Variants in SLC35E4 observed in about 807,000 individuals in gnomAD.
The protein encoded by SLC35E4 is solute carrier family 35 member E4, also known as solute carrier family 35, member E4.
SLC35E4 carries 15 observed loss-of-function variants against 19.3 expected under a neutral mutation model. The observed-to-expected ratio is 0.78, with a 90% CI of 0.52 to 1.20. SLC35E4 has a LOEUF of 1.20. Among genes scored for constraint, SLC35E4 ranks in the 50% most tolerant of loss-of-function variants. SLC35E4 has a pLI of 0.00. For synonymous variants in SLC35E4, 219 were observed against 219.9 expected, an observed-to-expected ratio of 1.00 and a Z score of 0.04; for missense variants, 406 against 472.3, an observed-to-expected ratio of 0.86 and a Z score of 1.30.
chr22:30,643,574 G>T (rs1002569238), intron 1 of SLC35E4, among the ~76,000 whole-genome samples: 2 of 152,148 alleles, frequency 1.3e-5, no homozygotes, highest in Admixed American at 6.5e-5. Context: ...CAGCCAGCAG[G>T]AGCAGGGTGT....
downstream of SLC35E4, among the ~76,000 whole-genome samples, chr22:30,664,456 A>G (rs574673290): frequency 1.3e-5 from 2 of 152,200 alleles, no homozygotes; most frequent in Admixed American, 6.5e-5. Flanking sequence ...TCTCCATTTA[A>G]GCTCACAGAG....
In SLC35E4 at chr22:30,636,934, C is replaced by A; in HGVS notation, c.484C>A (p.Leu162Ile). Residue 162 changes from leucine (L) to isoleucine (I), a missense_variant, in exon 1 of 2, where the codon CTT becomes ATT. By Grantham distance (5) the Leu-to-Ile change is conservative. Transcript: ENST00000343605. ...GCTGCTGGGCCGCCGCCACCACCCA[C>A]TTCAGTTGGCCGCCATGGGTCCGCT... ...ALLLGRRHHPLQLAAMGPLCL... is the reference protein window; with the variant it reads ...ALLLGRRHHPIQLAAMGPLCL... The A allele has an allele frequency of 1.2e-6, 2 of 1,612,134 alleles. No homozygotes were observed. The highest frequency in any genetic ancestry group is 1.7e-6 in the Non-Finnish European group (2 of 1,179,306).
rs769736140 is a variant in SLC35E4, at chr22:30,646,501, G to C, written c.620-97G>C. On this transcript the variant is annotated intron_variant, in intron 1 of 1. Transcript: ENST00000343605. ...GCCACTAGCCCTGCCCGAGGGGTCCGGGTAGGCTTCTTGGAGGATCGGCCA... is the reference window on the plus strand; with the variant it reads ...GCCACTAGCCCTGCCCGAGGGGTCCCGGTAGGCTTCTTGGAGGATCGGCCA... 50 of 1,409,716 alleles carry C rather than the reference G, an allele frequency of 3.5e-5. No homozygotes were observed. In the Admixed American group the frequency reaches 9.3e-4, roughly 26 times the overall value. The allele number at this position is 1,409,716 out of a possible 1,614,324, so 87.3% of individuals were successfully genotyped here.
intron 2 of SLC35E4, among the ~76,000 whole-genome samples, chr22:30,653,291 A>C (rs2145590079): frequency 6.6e-6 from 1 of 151,358 alleles, no homozygotes; most frequent in Non-Finnish European, 1.5e-5. Context: ...CCTGTTCTCT[A>C]TGCCTGCTGA....
At chr22:30,639,759 C>T (rs1429582706) in intron 1 of SLC35E4, among the ~76,000 whole-genome samples, 2 of 152,202 alleles carry the variant, frequency 1.3e-5, no homozygotes, top group Non-Finnish European at 2.9e-5. Context: ...CTCTCTTGTT[C>T]CCTGAACATT....
chr22:30,649,244 G>A (rs1291118936), downstream of SLC35E4: 2 of 717,182 alleles, frequency 2.8e-6, no homozygotes, highest in African/African-American at 3.5e-5. Flanking sequence ...GGCCAGGAGT[G>A]AGGAAGGAGG....
chr22:30,652,592 A>G (rs2088244324), downstream of SLC35E4, among the ~76,000 whole-genome samples: 1 of 152,242 alleles, frequency 6.6e-6, no homozygotes, highest in African/African-American at 2.4e-5. Context: ...CAATTAAGTT[A>G]GATCTCTTCC....
At chr22:30,664,017 C>A, downstream of SLC35E4, 1 of 1,602,910 alleles carries the variant, frequency 6.2e-7, no homozygotes, top group South Asian at 1.1e-5. Flanking sequence ...GGCGGTGGGT[C>A]AGTGGTCAGC....
At chr22:30,659,367 A>C (rs550504326) in intron 2 of SLC35E4, among the ~76,000 whole-genome samples, 2 of 151,422 alleles carry the variant, frequency 1.3e-5, no homozygotes, top group African/African-American at 2.4e-5. Context: ...TCAGAAAAAG[A>C]CTCTTTTTTT....
At position 30,646,965 on chromosome 22, in the gene SLC35E4, G is replaced by A. The variant is rs750445077; in HGVS notation, c.987G>A (p.Glu329=). The stretch of plus-strand genomic sequence containing the variant: ...GAATGTTCCTTTACCACAACTGCGA[G>A]TTCGTGGCCTCCTGGGCTGCCCGTC... ...LSGMFLYHNC[E]FVASWAARRG... Residue 329 remains glutamate, a synonymous_variant, in exon 2 of 2, where the codon GAG becomes GAA. Coordinates refer to ENST00000343605, the MANE Select transcript of SLC35E4 (RefSeq NM_001001479.4). 1.2e-6 allele frequency: 2 copies of A among 1,613,968 alleles called. No homozygotes were observed. The highest frequency in any genetic ancestry group is 1.7e-6 in the Non-Finnish European group (2 of 1,180,018).
chr22:30,661,012 G>A (rs568871748), intron 2 of SLC35E4, among the ~76,000 whole-genome samples: 12 of 152,136 alleles, frequency 7.9e-5, no homozygotes, highest in South Asian at 2.1e-4. Flanking sequence ...CCCTGCTTTC[G>A]TATTTTTAGC....
rs1555900647 is a variant in SLC35E4 at position 30,660,311 on chromosome 22, A to AAT, written c.*9-1749_*9-1748insAT. 1.6e-4 allele frequency among the ~76,000 whole-genome samples: 24 copies of AAT among 151,132 alleles called. 4 individuals carry two copies. Among genetic ancestry groups the AAT allele is most frequent in the Admixed American group, 1.5e-3 (22 of 15,172 alleles). ...CAAAATGAGCAGCAGAGAGAAAAAA[A>AAT]TTTTTTTTTTGAAACACAGTCTCAC... On this transcript the variant is annotated intron_variant, in intron 2 of 2. Transcript: ENST00000406566.
intron 2 of SLC35E4, among the ~76,000 whole-genome samples, chr22:30,659,469 G>T (rs1196896762): frequency 6.6e-6 from 1 of 152,038 alleles, no homozygotes; most frequent in African/African-American, 2.4e-5. Context: ...CGCCTCCTGG[G>T]TTCAAGCGAT....
At chr22:30,665,801 G>A (rs920979198), downstream of SLC35E4, among the ~76,000 whole-genome samples, 1 of 152,214 alleles carries the variant, frequency 6.6e-6, no homozygotes, top group African/African-American at 2.4e-5. Context: ...CAAGCGCTGT[G>A]TCCCCACAAG....
chr22:30,652,938 G>A (rs2088251370), intron 2 of SLC35E4, among the ~76,000 whole-genome samples: 1 of 152,216 alleles, frequency 6.6e-6, no homozygotes, highest in Non-Finnish European at 1.5e-5. Flanking sequence ...GGACATCTCT[G>A]AGGCTAGCTA....
At chr22:30,648,765 A>G (rs906177005), downstream of SLC35E4, among the ~76,000 whole-genome samples, 4 of 152,132 alleles carry the variant, frequency 2.6e-5, no homozygotes, top group Admixed American at 6.6e-5. Flanking sequence ...GCTTGAGGCC[A>G]GGAGTTGGAG....
chr22:30,647,152 C>T lies in SLC35E4; in HGVS notation c.*121C>T, dbSNP rs2088148642. 1.6e-6 allele frequency: 2 copies of T among 1,240,608 alleles called. No homozygotes were observed. The highest frequency in any genetic ancestry group is 2.2e-6 in the Non-Finnish European group (2 of 921,320). The allele number at this position is 1,240,608 out of a possible 1,614,324, so 76.9% of individuals were successfully genotyped here. On this transcript the variant is annotated 3_prime_UTR_variant, in exon 2 of 2. Coordinates refer to ENST00000343605, the MANE Select transcript of SLC35E4 (RefSeq NM_001001479.4). ...GTGGCTCACGCCTATAATCCCAGCA[C>T]TTCCAGAGTCCGAGGTGGGTGGATC... is the stretch of plus-strand genomic sequence containing the variant.
chr22:30,641,276 G>T (rs2088031406), intron 1 of SLC35E4, among the ~76,000 whole-genome samples: 1 of 152,216 alleles, frequency 6.6e-6, no homozygotes. Flanking sequence ...GCATGTGCCT[G>T]GCATCGGGCT....
At chr22:30,661,100 C>G (rs2088451751) in intron 2 of SLC35E4, among the ~76,000 whole-genome samples, 1 of 152,094 alleles carries the variant, frequency 6.6e-6, no homozygotes. Context: ...CTCGGCCTCC[C>G]AAAGTGTTGG....
Sources: gnomAD v4.1 joint callset for allele counts (sites outside exome capture counted in the v4.1 genomes callset) on GRCh38, gnomAD v4.1.1 for gene constraint, MANE v1.5 for transcripts, NCBI Gene and HGNC (gene_info 2026-07-23, HGNC 2026-07-21) for gene names.